The following DCBLD2 variants were observed in gnomAD, a reference collection of about 807,000 sequenced individuals.
The protein encoded by DCBLD2 is discoidin, CUB and LCCL domain-containing protein 2.
DCBLD2 carries 54 observed loss-of-function variants against 86.8 expected under a neutral mutation model. That is an observed-to-expected ratio of 0.62 (90% CI 0.50 to 0.78). The LOEUF is 0.78. Among genes scored for constraint, DCBLD2 ranks in the 30% least tolerant of loss-of-function variants. DCBLD2 has a pLI of 0.00. For missense variants in DCBLD2, 908 were observed against 954.2 expected, an observed-to-expected ratio of 0.95 and a Z score of 0.64; for synonymous variants, 354 against 341.3, an observed-to-expected ratio of 1.04 and a Z score of -0.41.
chr3:98,900,494 T>C (rs1943828893), intron 1 of DCBLD2, among the ~76,000 whole-genome samples: 1 of 152,142 alleles, frequency 6.6e-6, no homozygotes, highest in South Asian at 2.1e-4. Context: ...AAAAGTTTTG[T>C]CACTTTCTGG....
rs1457082639 is a variant in DCBLD2, at chr3:98,798,245, T to G, written c.*1127A>C. ...AAAAATACACGTTAGGTTTATATTT[T>G]GTGTAACAGTTTATGGAAAACTGAA... is the stretch of plus-strand genomic sequence containing the variant. On this transcript the variant is annotated 3_prime_UTR_variant, in exon 16 of 16. Transcript: ENST00000326840. 6.6e-6 allele frequency: 1 copy of G among 152,236 alleles called. No homozygotes were observed. The highest frequency in any genetic ancestry group is 2.1e-4 in the South Asian group (1 of 4,834). 9.4% of individuals were successfully genotyped at this position (152,236 alleles called of 1,614,324 possible). A position where few individuals can be genotyped will look rare whatever the true frequency, so the allele number is the denominator to read the frequency against.
chr3:98,881,836 G>A, intron 1 of DCBLD2, 69 bp from the exon 2 acceptor site: 1 of 1,479,300 alleles, frequency 6.8e-7, no homozygotes, highest in Non-Finnish European at 9.2e-7. Flanking sequence ...TGATTTTTTT[G>A]TGAAGATTTA....
intron 2 of DCBLD2, among the ~76,000 whole-genome samples, chr3:98,875,961 T>A (rs1943360858): frequency 6.6e-6 from 1 of 151,388 alleles, no homozygotes; most frequent in African/African-American, 2.4e-5. Context: ...ATGAAAAAAA[T>A]GGGTAAATTT....
intron 2 of DCBLD2, among the ~76,000 whole-genome samples, chr3:98,853,343 T>C (rs1286704844): frequency 6.6e-6 from 1 of 152,038 alleles, no homozygotes; most frequent in Non-Finnish European, 1.5e-5. Flanking sequence ...AAAAAGGAAA[T>C]CTAGGCCAGT....
chr3:98,867,866 A>G (rs1312563012), intron 2 of DCBLD2, among the ~76,000 whole-genome samples: 1 of 151,324 alleles, frequency 6.6e-6, no homozygotes, highest in African/African-American at 2.4e-5. Flanking sequence ...GCAGTGGCAC[A>G]ATCTTGGTTC....
At position 98,870,676 on chromosome 3, in the gene DCBLD2, G is replaced by C. The variant is rs566205654; in HGVS notation, c.433+10864C>G. 4.1e-4 allele frequency among the ~76,000 whole-genome samples: 60 copies of C among 144,594 alleles called. 2 individuals carry two copies. The highest frequency in any genetic ancestry group is 1.5e-3 in the African/African-American group (58 of 38,982). 94.9% of individuals were successfully genotyped at this position (144,594 alleles called of 152,430 possible). The stretch of plus-strand genomic sequence containing the variant: ...AGAGAAAGAGAGAGAGAGAGAGAGA[G>C]AGAAATAGAGAAAGAAAAAGAGAGA... On this transcript the variant is annotated intron_variant, in intron 2 of 15. Coordinates refer to ENST00000326840, the MANE Select transcript of DCBLD2 (RefSeq NM_080927.4).
intron 2 of DCBLD2, 50 bp downstream of exon 2, chr3:98,881,490 C>A: frequency 1.3e-6 from 2 of 1,495,984 alleles, no homozygotes; most frequent in East Asian, 2.3e-5. Flanking sequence ...AAAAATACAT[C>A]ATTGAGACAA....
At chr3:98,880,533 C>G (rs946539299) in intron 2 of DCBLD2, among the ~76,000 whole-genome samples, 1 of 152,114 alleles carries the variant, frequency 6.6e-6, no homozygotes, top group African/African-American at 2.4e-5. Flanking sequence ...GGCCTGGGTT[C>G]CACCTAATCA....
chr3:98,820,487 T>C (rs956482930), intron 6 of DCBLD2, among the ~76,000 whole-genome samples, 199 bp from the exon 7 acceptor site: 4 of 152,218 alleles, frequency 2.6e-5, no homozygotes, highest in African/African-American at 7.2e-5. Flanking sequence ...GAAATCAGCA[T>C]AAACAGCTTT....
At chr3:98,843,563 G>A (rs1576176966) in intron 3 of DCBLD2, among the ~76,000 whole-genome samples, 1 of 152,066 alleles carries the variant, frequency 6.6e-6, no homozygotes, top group African/African-American at 2.4e-5. Context: ...TCAGCCCTAC[G>A]TTTCATTTGC....
intron 14 of DCBLD2, chr3:98,801,320 C>T: frequency 2.6e-6 from 1 of 391,002 alleles, no homozygotes; most frequent in Non-Finnish European, 4.6e-6. Context: ...AAGCCGGTCT[C>T]CTCATGAGAA....
At position 98,811,211 on chromosome 3, in the gene DCBLD2, G is replaced by A. The variant is rs370482457; in HGVS notation, c.1559C>T (p.Thr520Ile). ...TTGCATACCTTTGGTTACATTTGGA[G>A]TTACGGTAGTATTTCTGATATCAGG... ...ASPDIRNTTV[T>I]PNVTKDVALA... Residue 520 changes from threonine to isoleucine, a missense_variant, in exon 12 of 16, where the codon ACT (threonine) becomes ATT (isoleucine). Physicochemically the swap from Thr to Ile is moderately conservative, Grantham distance 89. This residue lies in a region of DCBLD2 where 606 missense variants were observed against 678.5 expected (regional missense o/e 0.89). Transcript: ENST00000326840. The A allele has an allele frequency of 2.4e-5, 38 of 1,607,838 alleles. No homozygotes were observed. The highest frequency in any genetic ancestry group is 2.3e-4 in the African/African-American group (17 of 74,508).
chr3:98,803,155 C>T (rs149954208), intron 13 of DCBLD2, among the ~76,000 whole-genome samples: 8,140 of 152,168 alleles, frequency 0.053, 278 homozygotes, highest in Non-Finnish European at 0.071. Flanking sequence ...GCCATTTTCA[C>T]GATATTGATT....
chr3:98,817,952 A>G, intron 8 of DCBLD2, 59 bp from the exon 9 acceptor site: 1 of 1,588,394 alleles, frequency 6.3e-7, no homozygotes, highest in South Asian at 1.1e-5. Context: ...AAGTTTGTTC[A>G]GCATCAAAGT....
In DCBLD2 at chr3:98,901,575, C is replaced by T; in HGVS notation, c.-249G>A. Reference sequence around the variant, plus strand: ...GGGAGGGGAGGGAAGGAAGCGGAGTCCTCGAGCCGCGGAGGACGGCCGCGG... The same window carrying T: ...GGGAGGGGAGGGAAGGAAGCGGAGTTCTCGAGCCGCGGAGGACGGCCGCGG... On this transcript the variant is annotated 5_prime_UTR_variant, in exon 1 of 16. Coordinates refer to ENST00000326840, the MANE Select transcript of DCBLD2 (RefSeq NM_080927.4). 3.1e-6 allele frequency: 1 copy of T among 324,412 alleles called. No homozygotes were observed. Among genetic ancestry groups the T allele is most frequent in the Admixed American group, 5.0e-5 (1 of 20,002 alleles). 20.1% of individuals were successfully genotyped at this position (324,412 alleles called of 1,614,324 possible). A position where few individuals can be genotyped will look rare whatever the true frequency, so the allele number is the denominator to read the frequency against.
At chr3:98,850,289 C>CATT (rs1017981273) in intron 2 of DCBLD2, among the ~76,000 whole-genome samples, 2 of 152,184 alleles carry the variant, frequency 1.3e-5, no homozygotes, top group African/African-American at 4.8e-5. Flanking sequence ...ACATAAAATG[C>CATT]ATTAACACTA....
chr3:98,891,198 G>A (rs1256794479), intron 1 of DCBLD2, among the ~76,000 whole-genome samples: 1 of 151,318 alleles, frequency 6.6e-6, no homozygotes, highest in African/African-American at 2.4e-5. Context: ...GAGGGAGAAG[G>A]AGAGAGGGAG....
At chr3:98,859,573 T>A (rs1943000786) in intron 2 of DCBLD2, among the ~76,000 whole-genome samples, 1 of 152,202 alleles carries the variant, frequency 6.6e-6, no homozygotes, top group South Asian at 2.1e-4. Flanking sequence ...TCAGCAATAT[T>A]CACTGTTCTG....
At chr3:98,836,924 A>AC (rs1942473090) in intron 3 of DCBLD2, among the ~76,000 whole-genome samples, 1 of 46,434 alleles carries the variant, frequency 2.2e-5, no homozygotes, top group African/African-American at 8.4e-5. Context: ...CGGGGGGCTG[A>AC]CCCCCCCACC....
Sources: gnomAD v4.1 joint callset for allele counts (sites outside exome capture counted in the v4.1 genomes callset) on GRCh38, gnomAD v4.1.1 for gene constraint, gnomAD v4.1.1 regional missense constraint, MANE v1.5 for transcripts, NCBI Gene and HGNC (gene_info 2026-07-23, HGNC 2026-07-21) for gene names.